Variants in XRCC6 observed in about 807,000 individuals in gnomAD.
XRCC6 encodes DNA repair protein Ku70.
A neutral mutation model predicts 65.7 loss-of-function variants in XRCC6; 5 were observed. The ratio of observed to expected loss-of-function variants is 0.08; its 90% CI spans 0.04 to 0.16. The LOEUF is 0.16. XRCC6 is among the 10% of genes least tolerant of loss of function. The pLI is 1.00. For synonymous variants in XRCC6, 270 were observed against 270.6 expected, an observed-to-expected ratio of 1.00 and a Z score of 0.02; for missense variants, 447 against 738.1, an observed-to-expected ratio of 0.61 and a Z score of 4.57.
intron 3 of XRCC6, 123 bp from the exon 4 acceptor site, chr22:41,635,990 C>G: frequency 1.3e-6 from 1 of 789,138 alleles, no homozygotes; most frequent in Non-Finnish European, 1.9e-6. Flanking sequence ...AGGTAGGGAT[C>G]TTGCCTTATT....
At chr22:41,625,523 G>A (rs933742276) in intron 2 of XRCC6, among the ~76,000 whole-genome samples, 1 of 152,164 alleles carries the variant, frequency 6.6e-6, no homozygotes, top group African/African-American at 2.4e-5. Context: ...CCAGCTACTT[G>A]GAGATGACCA....
At chr22:41,631,935 G>C (rs1016124990) in intron 3 of XRCC6, among the ~76,000 whole-genome samples, 1 of 152,310 alleles carries the variant, frequency 6.6e-6, no homozygotes, top group African/African-American at 2.4e-5. Flanking sequence ...AGACCAGCCT[G>C]GCCAACACAG....
At position 41,650,907 on chromosome 22, in the gene XRCC6, C is replaced by G; in HGVS notation, c.1129+16C>G. Reference sequence around the variant, plus strand: ...CTGGTGATTGGTAAGTAGCGTGGACCATGGATGAGTGACTCTAACACACAG... The same window carrying G: ...CTGGTGATTGGTAAGTAGCGTGGACGATGGATGAGTGACTCTAACACACAG... On this transcript the variant is annotated intron_variant, in intron 8 of 12. Transcript: ENST00000360079. The G allele has an allele frequency of 6.2e-7, 1 of 1,613,798 alleles. No homozygotes were observed. The highest frequency in any genetic ancestry group is 8.5e-7 in the Non-Finnish European group (1 of 1,179,776).
rs955760090 is a variant in XRCC6 at position 41,661,335 on chromosome 22, C to T, written c.1527C>T (p.Pro509=). ...TTCTGTGTTTTGATTTTCTAGTGCCCAAGGTTGAAGCAATGAATAAAAGAC... is the reference window on the plus strand; with the variant it reads ...TTCTGTGTTTTGATTTTCTAGTGCCTAAGGTTGAAGCAATGAATAAAAGAC... The part of the protein sequence containing the change: ...EPEQAVDLTL[P]KVEAMNKRLG... Residue 509 remains proline (P), a synonymous_variant, in exon 12 of 13, where the codon CCC becomes CCT. Coordinates refer to ENST00000360079, the MANE Select transcript of XRCC6 (RefSeq NM_001469.5). 6.2e-7 allele frequency: 1 copy of T among 1,612,556 alleles called. No individual in the cohort carries two copies. The highest frequency in any genetic ancestry group is 1.7e-5 in the Admixed American group (1 of 59,720).
chr22:41,658,190 T>C, intron 10 of XRCC6, 62 bp from the exon 11 acceptor site: 1 of 1,566,496 alleles, frequency 6.4e-7, no homozygotes, highest in Non-Finnish European at 8.8e-7. Context: ...GGTGGTTTTA[T>C]TCTAATTTTT....
At chr22:41,642,787 A>C (rs575399243) in intron 6 of XRCC6, among the ~76,000 whole-genome samples, 1 of 151,974 alleles carries the variant, frequency 6.6e-6, no homozygotes, top group Non-Finnish European at 1.5e-5. Flanking sequence ...TTTATCGTCA[A>C]CTCTCCTTCA....
chr22:41,622,667 G>A (rs1337891489), intron 2 of XRCC6, among the ~76,000 whole-genome samples: 3 of 152,154 alleles, frequency 2.0e-5, no homozygotes, highest in Admixed American at 6.5e-5. Context: ...ACGGCCAGGC[G>A]CGGTGTCTCA....
At chr22:41,639,702 G>A (rs1297866768) in intron 6 of XRCC6, among the ~76,000 whole-genome samples, 1 of 103,440 alleles carries the variant, frequency 9.7e-6, no homozygotes, top group African/African-American at 4.2e-5. Context: ...TTGCTCTTTT[G>A]GCCGGGCTGG....
chr22:41,657,404 C>T (rs1290071169), intron 10 of XRCC6, among the ~76,000 whole-genome samples: 1 of 151,826 alleles, frequency 6.6e-6, no homozygotes, highest in African/African-American at 2.4e-5. Flanking sequence ...TCAAGTCATT[C>T]CCTCTCACAT....
intron 6 of XRCC6, among the ~76,000 whole-genome samples, chr22:41,640,409 A>G (rs188431927): frequency 4.6e-5 from 7 of 152,198 alleles, no homozygotes; most frequent in Admixed American, 1.3e-4. Context: ...TCAGCCTCCC[A>G]AAGTGCTGGG....
intron 8 of XRCC6, among the ~76,000 whole-genome samples, chr22:41,651,361 ATTTTTTTTTTTTTTTTTTT>A (rs764795746): frequency 2.8e-4 from 14 of 49,758 alleles, no homozygotes; most frequent in South Asian, 7.0e-4. Flanking sequence ...AGTTAAACAG[ATTTTTTTTTTTTTTTTTTT>A]TTTTTTTTTT....
intron 9 of XRCC6, among the ~76,000 whole-genome samples, chr22:41,655,676 G>T (rs2068037893): frequency 6.6e-6 from 1 of 150,864 alleles, no homozygotes; most frequent in African/African-American, 2.4e-5. Context: ...TCCAGCCTGG[G>T]TGACAGAGCG....
intron 12 of XRCC6, among the ~76,000 whole-genome samples, chr22:41,662,532 A>AT (rs964578275): frequency 4.6e-5 from 7 of 152,194 alleles, no homozygotes; most frequent in Non-Finnish European, 1.0e-4. Context: ...TACCTATCTC[A>AT]TTTTTTAAAA....
intron 2 of XRCC6, among the ~76,000 whole-genome samples, chr22:41,624,937 T>G (rs537779436): frequency 1.4e-5 from 2 of 140,888 alleles, no homozygotes; most frequent in South Asian, 2.3e-4. Flanking sequence ...GCGGAGCTTG[T>G]AGTGAGCCGA....
intron 2 of XRCC6, among the ~76,000 whole-genome samples, chr22:41,627,229 T>C (rs1178409011): frequency 2.0e-5 from 3 of 152,154 alleles, no homozygotes; most frequent in African/African-American, 7.2e-5. Context: ...TCAAAGCTAA[T>C]GTTTAGAAAT....
At chr22:41,630,311 C>T (rs1156402596) in intron 3 of XRCC6, among the ~76,000 whole-genome samples, 2 of 151,684 alleles carry the variant, frequency 1.3e-5, no homozygotes, top group African/African-American at 2.4e-5. Context: ...TGGTGTCTCA[C>T]TATTGCTCAG....
chr22:41,637,597 C>G lies in XRCC6; in HGVS notation c.590-11C>G, dbSNP rs1436824948. The G allele has an allele frequency of 6.4e-7, 1 of 1,562,264 alleles. No homozygotes were observed. The highest frequency in any genetic ancestry group is 2.3e-5 in the East Asian group (1 of 42,900). On this transcript the variant is annotated splice_polypyrimidine_tract_variant and intron_variant, in intron 5 of 12. Coordinates refer to ENST00000360079, the MANE Select transcript of XRCC6 (RefSeq NM_001469.5). ...TTTTTCCTCCCTCACTTTTGTTTAC[C>G]CTTGCAACAGGCATCTTCCTTGACT...
chr22:41,648,970 A>T (rs1338010872), intron 7 of XRCC6, among the ~76,000 whole-genome samples: 1 of 136,210 alleles, frequency 7.3e-6, no homozygotes, highest in Non-Finnish European at 1.5e-5. Flanking sequence ...TACAAACATC[A>T]TTGGGTATGG....
intron 7 of XRCC6, among the ~76,000 whole-genome samples, chr22:41,649,139 A>AAATATATATATATATATATATATATAT: frequency 1.1e-5 from 1 of 88,722 alleles, no homozygotes; most frequent in Non-Finnish European, 2.1e-5. Context: ...AAAAAAAAAA[A>AAATATATATATATATATATATATATAT]ATATATATAT....
Sources: gnomAD v4.1 joint callset for allele counts (sites outside exome capture counted in the v4.1 genomes callset) on GRCh38, gnomAD v4.1.1 for gene constraint, MANE v1.5 for transcripts, NCBI Gene and HGNC (gene_info 2026-07-23, HGNC 2026-07-21) for gene names.